BMP5: variants seen among roughly 807,000 people sequenced by gnomAD.
The protein encoded by BMP5 is bone morphogenetic protein 5.
In BMP5, 23 loss-of-function variants were observed where a neutral mutation model predicts 46.6. The ratio of observed to expected loss-of-function variants is 0.49; its 90% CI spans 0.35 to 0.70. The LOEUF (loss-of-function observed/expected upper bound fraction) is 0.70. BMP5 is among the 30% of genes least tolerant of loss of function. The probability of loss-of-function intolerance (pLI) is 0.00; values close to 1 mark genes in which losing one functional copy is unlikely to be tolerated. For synonymous variants in BMP5, 204 were observed against 191.9 expected, an observed-to-expected ratio of 1.06 and a Z score of -0.52; for missense variants, 545 against 565.6, an observed-to-expected ratio of 0.96 and a Z score of 0.37.
At chr6:55,846,026 C>T (rs1420053937) in intron 1 of BMP5, among the ~76,000 whole-genome samples, 2 of 151,918 alleles carry the variant, frequency 1.3e-5, no homozygotes, top group African/African-American at 2.4e-5. Context: ...GCTGGAAGAG[C>T]AAGTGCTATT....
chr6:55,862,058 G>C (rs959907772), intron 1 of BMP5, among the ~76,000 whole-genome samples: 69 of 152,210 alleles, frequency 4.5e-4, no homozygotes, highest in African/African-American at 1.4e-3. Context: ...CACTACGCTA[G>C]CTGTAGCAAA....
chr6:55,767,799 A>T (rs1272919977), intron 4 of BMP5, among the ~76,000 whole-genome samples: 1 of 151,990 alleles, frequency 6.6e-6, no homozygotes, highest in African/African-American at 2.4e-5. Context: ...AAAAAGCAAA[A>T]TGTCTTTTTG....
chr6:55,863,858 G>A (rs1482974857), intron 1 of BMP5, among the ~76,000 whole-genome samples: 1 of 152,182 alleles, frequency 6.6e-6, no homozygotes, highest in African/African-American at 2.4e-5. Flanking sequence ...CTATAGAGGT[G>A]TGTAGCTTAG....
At chr6:55,790,608 A>G (rs144258722) in intron 3 of BMP5, among the ~76,000 whole-genome samples, 43 of 152,306 alleles carry the variant, frequency 2.8e-4, no homozygotes, top group African/African-American at 9.9e-4. Context: ...GTTCTAGCCA[A>G]TCCTGGACTG....
intron 1 of BMP5, among the ~76,000 whole-genome samples, chr6:55,868,570 A>C (rs1777703855): frequency 1.1e-5 from 1 of 95,160 alleles, no homozygotes; most frequent in African/African-American, 8.2e-5. Flanking sequence ...ACTAATCTAC[A>C]AATAGTATTT....
intron 5 of BMP5, 79 bp from the exon 6 acceptor site, chr6:55,759,194 A>AAAC (rs1554174497): frequency 7.9e-5 from 63 of 797,386 alleles, no homozygotes; most frequent in Non-Finnish European, 9.1e-5. Flanking sequence ...CAACAAGAAA[A>AAAC]AATATCACCA....
rs899135567 is a variant in BMP5 at position 55,754,689 on chromosome 6, T to C, written c.*844A>G. On this transcript the variant is annotated 3_prime_UTR_variant, in exon 7 of 7. Coordinates refer to ENST00000370830, the MANE Select transcript of BMP5 (RefSeq NM_021073.4). ...TGTGGGGAGGAAAGTGGAGCACATGTAAATGTTTCTTTATTTTGGACTAGG... is the reference window on the plus strand; with the variant it reads ...TGTGGGGAGGAAAGTGGAGCACATGCAAATGTTTCTTTATTTTGGACTAGG... 11 of 152,096 alleles carry C rather than the reference T, an allele frequency of 7.2e-5. No homozygotes were observed. Among genetic ancestry groups the C allele is most frequent in the African/African-American group, 2.2e-4 (9 of 41,546 alleles). The allele number at this position is 152,096 out of a possible 1,614,324, so 9.4% of individuals were successfully genotyped here.
chr6:55,789,950 A>T (rs1205888414), intron 3 of BMP5, among the ~76,000 whole-genome samples: 1 of 152,170 alleles, frequency 6.6e-6, no homozygotes, highest in Admixed American at 6.6e-5. Context: ...TTCTAAAAAG[A>T]GTATTTCATA....
rs13194151 is a variant in BMP5, at chr6:55,772,650, T to C, written c.1027+1399A>G. On this transcript the variant is annotated intron_variant, in intron 4 of 6. Coordinates refer to ENST00000370830, the MANE Select transcript of BMP5 (RefSeq NM_021073.4). ...GCTTTTTGCCAAACTAAATATCTTG[T>C]GAATATCTTTAAAAAATAGCGTTGT... 6.4e-6 allele frequency: 4 copies of C among 629,394 alleles called. No individual in the cohort carries two copies. In the African/African-American group the frequency reaches 8.0e-5, roughly 13 times the overall value. 39.0% of individuals were successfully genotyped at this position (629,394 alleles called of 1,614,324 possible).
intron 4 of BMP5, among the ~76,000 whole-genome samples, chr6:55,761,963 A>G (rs1158203477): frequency 2.0e-5 from 3 of 152,166 alleles, no homozygotes; most frequent in Non-Finnish European, 4.4e-5. Context: ...CAAATTTCTC[A>G]TAGTGTTCCA....
chr6:55,762,286 T>A (rs1774805863), intron 4 of BMP5, among the ~76,000 whole-genome samples: 1 of 152,108 alleles, frequency 6.6e-6, no homozygotes, highest in Admixed American at 6.6e-5. Flanking sequence ...TGTTAAAGTG[T>A]CACCTTCCTG....
chr6:55,762,879 T>C (rs1774821124), intron 4 of BMP5, among the ~76,000 whole-genome samples: 1 of 152,126 alleles, frequency 6.6e-6, no homozygotes, highest in South Asian at 2.1e-4. Context: ...TCGATTTTGC[T>C]GCTGTAGTAT....
chr6:55,786,942 T>G (rs996704813), intron 3 of BMP5, among the ~76,000 whole-genome samples: 12 of 151,650 alleles, frequency 7.9e-5, no homozygotes, highest in Non-Finnish European at 1.8e-4. Flanking sequence ...TTATCAAATC[T>G]TAGAATGTTT....
At chr6:55,769,502 A>G (rs1337920275) in intron 4 of BMP5, among the ~76,000 whole-genome samples, 2 of 151,866 alleles carry the variant, frequency 1.3e-5, no homozygotes, top group Admixed American at 6.6e-5. Context: ...TGCTATTTCT[A>G]CCACAACTGC....
At chr6:55,849,574 A>G (rs1227018623) in intron 1 of BMP5, among the ~76,000 whole-genome samples, 1 of 152,058 alleles carries the variant, frequency 6.6e-6, no homozygotes, top group Admixed American at 6.6e-5. Context: ...AAAAGGAGCA[A>G]ACTAAAGCAG....
chr6:55,801,960 T>A (rs1324871770), intron 2 of BMP5, among the ~76,000 whole-genome samples: 2 of 152,208 alleles, frequency 1.3e-5, no homozygotes, highest in East Asian at 3.8e-4. Flanking sequence ...TGCCACAAGT[T>A]GGGTACCAAT....
intron 3 of BMP5, among the ~76,000 whole-genome samples, chr6:55,782,877 C>T (rs2127524760): frequency 6.6e-6 from 1 of 152,166 alleles, no homozygotes; most frequent in African/African-American, 2.4e-5. Flanking sequence ...TAAAATAAGG[C>T]TCAAAAAAGA....
At chr6:55,823,184 C>T (rs1776449367) in intron 1 of BMP5, among the ~76,000 whole-genome samples, 1 of 152,046 alleles carries the variant, frequency 6.6e-6, no homozygotes, top group South Asian at 2.1e-4. Context: ...ACCTATACCA[C>T]CTACATAATG....
At chr6:55,811,879 C>A (rs539358970) in intron 2 of BMP5, among the ~76,000 whole-genome samples, 1 of 152,288 alleles carries the variant, frequency 6.6e-6, no homozygotes, top group South Asian at 2.1e-4. Context: ...ACACTTAGTG[C>A]ATATTTACAT....
Sources: gnomAD v4.1 joint callset for allele counts (sites outside exome capture counted in the v4.1 genomes callset) on GRCh38, gnomAD v4.1.1 for gene constraint, MANE v1.5 for transcripts, NCBI Gene and HGNC (gene_info 2026-07-23, HGNC 2026-07-21) for gene names.